Variants in EYA1 observed in about 807,000 individuals in gnomAD.
The protein encoded by EYA1 is EYA transcriptional coactivator and phosphatase 1, also known as protein phosphatase EYA1.
Under a neutral mutation model 82.0 loss-of-function variants are expected in EYA1, and 16 were observed. That is an observed-to-expected ratio of 0.20 (90% CI 0.13 to 0.30). The LOEUF is 0.30. Among genes scored for constraint, EYA1 ranks in the 10% least tolerant of loss-of-function variants. The pLI, the probability that EYA1 is intolerant of heterozygous loss-of-function variation, is 1.00. For synonymous variants in EYA1, 261 were observed against 264.4 expected (o/e 0.99, Z 0.12); for missense variants, 633 against 730.7 (o/e 0.87, Z 1.54).
chr8:71,416,147 G>A (rs1483694602), intron 2 of EYA1, among the ~76,000 whole-genome samples: 1 of 152,206 alleles, frequency 6.6e-6, no homozygotes, highest in East Asian at 1.9e-4. Context: ...GATGGTCAGA[G>A]GGCAAGAGGA....
chr8:71,272,450 A>T lies in EYA1; in HGVS notation c.827-553T>A, dbSNP rs551650993. Among the ~76,000 whole-genome samples the T allele has an allele frequency of 7.2e-5, 11 of 152,294 alleles. No individual in the cohort carries two copies. The East Asian group carries it at 1.9e-3, about 27-fold the overall frequency. Reference sequence around the variant, plus strand: ...AGCGGGTGACAAGATAAAGAGGCAGATACATGGACAATACCCGTACTCCAC... The same window carrying T: ...AGCGGGTGACAAGATAAAGAGGCAGTTACATGGACAATACCCGTACTCCAC... On this transcript the variant is annotated intron_variant, in intron 9 of 17. Transcript: ENST00000340726.
At chr8:71,322,451 G>C in intron 4 of EYA1, 183 bp from the exon 5 acceptor site, 1 of 627,928 alleles carries the variant, frequency 1.6e-6, no homozygotes, top group Non-Finnish European at 2.8e-6. Context: ...AAACTATAAA[G>C]AGGAATGAAT....
At chr8:71,305,203 A>G (rs942050954) in intron 7 of EYA1, among the ~76,000 whole-genome samples, 1 of 143,196 alleles carries the variant, frequency 7.0e-6, no homozygotes, top group Non-Finnish European at 1.6e-5. Flanking sequence ...TCTAGAAACA[A>G]ATGACTTTAC....
intron 2 of EYA1, among the ~76,000 whole-genome samples, chr8:71,457,792 G>A (rs1007019472): frequency 7.9e-5 from 12 of 152,292 alleles, no homozygotes; most frequent in Middle Eastern, 3.4e-3. Flanking sequence ...TAAATGATGA[G>A]TTAATGGGTG....
intron 2 of EYA1, among the ~76,000 whole-genome samples, chr8:71,419,125 T>C (rs1831010538): frequency 6.6e-6 from 1 of 152,012 alleles, no homozygotes; most frequent in Non-Finnish European, 1.5e-5. Context: ...AAAGAAATAT[T>C]GGAGGGTTTG....
intron 2 of EYA1, 63 bp from the exon 3 acceptor site, chr8:71,354,972 G>A (rs1045690988): frequency 1.3e-5 from 20 of 1,527,592 alleles, no homozygotes; most frequent in Admixed American, 5.0e-5. Flanking sequence ...CATTTAATGC[G>A]CTAATGACTT....
rs1021176802 is a variant in EYA1, at chr8:71,444,318, G to A, written c.34-87807C>T. Among the ~76,000 whole-genome samples the A allele has an allele frequency of 4.6e-5, 7 of 152,314 alleles. No individual in the cohort carries two copies. The East Asian group carries it at 5.8e-4, about 13-fold the overall frequency. ...GTGGGCACTCACTCTTCTAAAGAAA[G>A]ACATGTGGGGACACAGATATAGAAA... is the stretch of plus-strand genomic sequence containing the variant. On this transcript the variant is annotated intron_variant, in intron 2 of 18. Transcript: ENST00000643681.
intron 2 of EYA1, among the ~76,000 whole-genome samples, chr8:71,415,697 G>T (rs1354076227): frequency 6.6e-6 from 1 of 152,124 alleles, no homozygotes; most frequent in South Asian, 2.1e-4. Flanking sequence ...TAGCTTCATT[G>T]GCTTCACACT....
At chr8:71,290,850 A>T (rs1818919907) in intron 9 of EYA1, among the ~76,000 whole-genome samples, 1 of 152,186 alleles carries the variant, frequency 6.6e-6, no homozygotes. Flanking sequence ...AGACAAACAA[A>T]CCCAACAACC....
intron 3 of EYA1, among the ~76,000 whole-genome samples, chr8:71,336,083 T>G (rs546227705): frequency 1.3e-5 from 2 of 152,330 alleles, no homozygotes; most frequent in South Asian, 2.1e-4. Context: ...TTGTTTCCCA[T>G]GCACACATTA....
intron 2 of EYA1, among the ~76,000 whole-genome samples, chr8:71,490,979 ACT>A (rs970270814): frequency 6.6e-6 from 1 of 152,072 alleles, no homozygotes; most frequent in Non-Finnish European, 1.5e-5. Context: ...AAAGCAAGTC[ACT>A]CTATTGACGC....
intron 7 of EYA1, among the ~76,000 whole-genome samples, chr8:71,308,887 A>C (rs1248692724): frequency 6.6e-6 from 1 of 152,098 alleles, no homozygotes; most frequent in Non-Finnish European, 1.5e-5. Flanking sequence ...GGCAAGCAGG[A>C]TGCTGTTTGT....
chr8:71,519,356 A>G (rs1017995110), intron 2 of EYA1, among the ~76,000 whole-genome samples: 3 of 152,206 alleles, frequency 2.0e-5, no homozygotes, highest in Non-Finnish European at 4.4e-5. Context: ...TTCATTTAAT[A>G]AAATTAAGAT....
At chr8:71,300,278 C>T (rs1189699578) in intron 7 of EYA1, among the ~76,000 whole-genome samples, 2 of 152,170 alleles carry the variant, frequency 1.3e-5, no homozygotes, top group Non-Finnish European at 2.9e-5. Context: ...TTATCTGTTA[C>T]ATATGCTGTC....
intron 2 of EYA1, among the ~76,000 whole-genome samples, chr8:71,397,961 C>T (rs1205265381): frequency 6.6e-6 from 1 of 152,164 alleles, no homozygotes; most frequent in East Asian, 1.9e-4. Context: ...CACATAGTTC[C>T]ATATTTCTTG....
chr8:71,380,483 C>T (rs1234945229), intron 2 of EYA1, among the ~76,000 whole-genome samples: 4 of 152,166 alleles, frequency 2.6e-5, no homozygotes, highest in East Asian at 1.9e-4. Flanking sequence ...CCCCCTTCTC[C>T]AGCCTGCAGC....
Position 71,269,761 on chromosome 8 carries a change from G to A in EYA1, c.1029C>T (p.Ser343=). 1 of 1,613,616 alleles carries A rather than the reference G, an allele frequency of 6.2e-7. No individual in the cohort carries two copies. Among genetic ancestry groups the A allele is most frequent in the African/African-American group, 1.3e-5 (1 of 75,002 alleles). ...IIVFHSLLTG[S]YANRYGRDPP... is the part of the protein sequence containing the mutation. ...TCACCCTCCCATATCTGTTGGCGTA[G>A]GACCCAGTAAGCAAGGAGTGGAAAA... is the stretch of plus-strand genomic sequence containing the variant. Residue 343 remains serine (S), a synonymous_variant, in exon 11 of 18, where the codon TCC becomes TCT. Transcript: ENST00000340726.
At chr8:71,208,691 C>T (rs1016546971) in intron 17 of EYA1, among the ~76,000 whole-genome samples, 2 of 151,698 alleles carry the variant, frequency 1.3e-5, no homozygotes, top group Admixed American at 6.6e-5. Context: ...ATCAAACCTG[C>T]ACATTGTGCA....
At chr8:71,296,592 T>G (rs1384525055) in intron 9 of EYA1, among the ~76,000 whole-genome samples, 4 of 149,202 alleles carry the variant, frequency 2.7e-5, no homozygotes, top group Non-Finnish European at 5.9e-5. Flanking sequence ...TCCAGTATTA[T>G]AAAATACTAA....
Sources: gnomAD v4.1 joint callset for allele counts (sites outside exome capture counted in the v4.1 genomes callset) on GRCh38, gnomAD v4.1.1 for gene constraint, MANE v1.5 for transcripts, NCBI Gene and HGNC (gene_info 2026-07-23, HGNC 2026-07-21) for gene names.